The following CSMD1 variants were observed in gnomAD, a reference collection of about 807,000 sequenced individuals.
The protein encoded by CSMD1 is CUB and Sushi multiple domains 1, also known as CUB and sushi domain-containing protein 1.
Under a neutral mutation model 417.5 loss-of-function variants are expected in CSMD1, and 213 were observed. The ratio of observed to expected loss-of-function variants is 0.51; its 90% CI spans 0.46 to 0.57. The LOEUF (loss-of-function observed/expected upper bound fraction) is 0.57. Ranked by LOEUF, CSMD1 falls within the 20% of genes least tolerant of loss-of-function variation. CSMD1 has a pLI of 0.00. For synonymous variants in CSMD1, 2,862 were observed against 1,736.8 expected (o/e 1.65, Z -16.11); for missense variants, 6,923 against 4,529.7 (o/e 1.53, Z -15.17).
intron 1 of CSMD1, among the ~76,000 whole-genome samples, chr8:4,932,687 A>G (rs1807325317): frequency 6.6e-6 from 1 of 152,186 alleles, no homozygotes; most frequent in Admixed American, 6.5e-5. Context: ...TGACACAGTA[A>G]ATGCCAGCAA....
chr8:3,799,829 G>T (rs1188780203), intron 5 of CSMD1, among the ~76,000 whole-genome samples: 2 of 152,014 alleles, frequency 1.3e-5, no homozygotes, highest in Non-Finnish European at 2.9e-5. Context: ...AATCTAAATG[G>T]ACATGAGGCT....
intron 5 of CSMD1, among the ~76,000 whole-genome samples, chr8:3,839,598 A>T (rs1802980489): frequency 7.3e-6 from 1 of 137,246 alleles, no homozygotes; most frequent in African/African-American, 2.7e-5. Context: ...TTAATATGAT[A>T]TATATAGTTG....
At chr8:4,746,439 G>T (rs1204233368) in intron 1 of CSMD1, among the ~76,000 whole-genome samples, 1 of 152,168 alleles carries the variant, frequency 6.6e-6, no homozygotes, top group Admixed American at 6.6e-5. Flanking sequence ...GAATGGAAGT[G>T]GACTTGCTCA....
At chr8:4,289,327 C>G (rs546491266) in intron 3 of CSMD1, among the ~76,000 whole-genome samples, 3 of 152,302 alleles carry the variant, frequency 2.0e-5, no homozygotes, top group East Asian at 3.9e-4. Flanking sequence ...TCACGTAACT[C>G]CCATACATTT....
intron 10 of CSMD1, among the ~76,000 whole-genome samples, chr8:3,566,916 C>T (rs983745397): frequency 6.6e-6 from 1 of 152,192 alleles, no homozygotes; most frequent in Non-Finnish European, 1.5e-5. Flanking sequence ...TCAGCAATCC[C>T]ATTACTGGGT....
chr8:3,708,479 A>G lies in CSMD1; in HGVS notation c.944T>C (p.Ile315Thr), dbSNP rs755379327. Reference protein sequence around the residue: ...FNAQFQVKKAIELKSRGVKML... With the variant: ...FNAQFQVKKATELKSRGVKML... The stretch of plus-strand genomic sequence containing the variant: ...CTTGACTCCTCTTGACTTCAACTCA[A>G]TCGCCTTTTTCACTGGAAGAAACAA... Residue 315 changes from isoleucine (I) to threonine (T), a missense_variant, in exon 7 of 70, where the codon ATT becomes ACT. Ile to Thr is a moderately conservative substitution (Grantham distance 89). Coordinates refer to ENST00000635120, the MANE Select transcript of CSMD1 (RefSeq NM_033225.6). 218 of 1,613,940 alleles carry G rather than the reference A, an allele frequency of 1.4e-4. 1 individual carries two copies. The East Asian group carries it at 4.5e-3, about 34-fold the overall frequency.
At chr8:3,407,001 G>C (rs568256444) in intron 14 of CSMD1, among the ~76,000 whole-genome samples, 1 of 152,222 alleles carries the variant, frequency 6.6e-6, no homozygotes, top group Non-Finnish European at 1.5e-5. Context: ...GTGGGTGGGT[G>C]GATGGTTGTA....
intron 5 of CSMD1, among the ~76,000 whole-genome samples, chr8:3,904,076 G>A (rs989154604): frequency 2.8e-4 from 42 of 152,042 alleles, no homozygotes; most frequent in African/African-American, 9.9e-4. Context: ...GATATCTTCA[G>A]TCAAAGATTG....
chr8:4,462,880 G>C (rs995239101), intron 2 of CSMD1, among the ~76,000 whole-genome samples: 1 of 152,128 alleles, frequency 6.6e-6, no homozygotes, highest in Non-Finnish European at 1.5e-5. Context: ...AAATATAGGA[G>C]TAAATCTTTG....
intron 3 of CSMD1, among the ~76,000 whole-genome samples, chr8:4,153,718 G>C (rs188451983): frequency 6.6e-6 from 1 of 152,194 alleles, no homozygotes; most frequent in Non-Finnish European, 1.5e-5. Context: ...ACAGATATAA[G>C]AACCCATGCA....
intron 1 of CSMD1, among the ~76,000 whole-genome samples, chr8:4,836,728 G>A (rs1054082728): frequency 1.3e-5 from 2 of 151,938 alleles, no homozygotes; most frequent in African/African-American, 4.8e-5. Flanking sequence ...AAGTCACAAG[G>A]TCTAAACCCC....
At chr8:3,262,510 G>A (rs73187510) in intron 26 of CSMD1, among the ~76,000 whole-genome samples, 1,880 of 150,774 alleles carry the variant, frequency 0.012, 18 homozygotes, top group Non-Finnish European at 0.018. Flanking sequence ...TCCAAGAGGC[G>A]CTATAAATGC....
intron 22 of CSMD1, among the ~76,000 whole-genome samples, chr8:3,345,323 A>T (rs938052290): frequency 3.3e-5 from 5 of 152,192 alleles, no homozygotes; most frequent in African/African-American, 1.2e-4. Context: ...CTGAATCGTA[A>T]GATTCTTCAG....
intron 2 of CSMD1, among the ~76,000 whole-genome samples, chr8:4,613,455 G>C (rs562327175): frequency 1.3e-5 from 2 of 152,214 alleles, no homozygotes; most frequent in East Asian, 3.9e-4. Context: ...AACCAAGTTT[G>C]CTGCACCTGT....
chr8:4,128,590 A>G (rs945355742), intron 3 of CSMD1, among the ~76,000 whole-genome samples: 5 of 152,188 alleles, frequency 3.3e-5, no homozygotes, highest in East Asian at 1.9e-4. Context: ...CCAAACCTTC[A>G]AAGACCATTG....
At chr8:4,725,125 G>A (rs1809341258) in intron 1 of CSMD1, among the ~76,000 whole-genome samples, 1 of 152,094 alleles carries the variant, frequency 6.6e-6, no homozygotes, top group Non-Finnish European at 1.5e-5. Flanking sequence ...AGGTATATAT[G>A]TTTTACACAT....
At chr8:3,697,136 A>G (rs1476121449) in intron 7 of CSMD1, among the ~76,000 whole-genome samples, 3 of 152,154 alleles carry the variant, frequency 2.0e-5, no homozygotes, top group East Asian at 1.9e-4. Flanking sequence ...ATCATCATTC[A>G]GTCTAAATTG....
At chr8:3,413,758 G>A (rs1334133889) in intron 12 of CSMD1, among the ~76,000 whole-genome samples, 1 of 152,160 alleles carries the variant, frequency 6.6e-6, no homozygotes, top group Non-Finnish European at 1.5e-5. Flanking sequence ...AGTAGAAGAT[G>A]AGTAAGATAC....
intron 3 of CSMD1, among the ~76,000 whole-genome samples, chr8:4,350,944 C>T (rs1443202051): frequency 1.3e-5 from 2 of 152,152 alleles, no homozygotes; most frequent in Admixed American, 6.6e-5. Flanking sequence ...CACATACTTG[C>T]TTTCTGCAAG....
Sources: gnomAD v4.1 joint callset for allele counts (sites outside exome capture counted in the v4.1 genomes callset) on GRCh38, gnomAD v4.1.1 for gene constraint, MANE v1.5 for transcripts, NCBI Gene and HGNC (gene_info 2026-07-23, HGNC 2026-07-21) for gene names.